IDI1: variants seen among roughly 807,000 people sequenced by gnomAD.
IDI1 encodes isopentenyl-diphosphate delta isomerase 1, also known as isopentenyl-diphosphate Delta-isomerase 1.
Under a neutral mutation model 32.9 loss-of-function variants are expected in IDI1, and 23 were observed. The observed-to-expected ratio is 0.70, with a 90% confidence interval of 0.50 to 0.99. IDI1 has a LOEUF of 0.99. Among genes scored for constraint, IDI1 ranks in the 50% least tolerant of loss-of-function variants. IDI1 has a pLI of 0.00. For synonymous variants in IDI1, 133 were observed against 128.2 expected, an observed-to-expected ratio of 1.04 and a Z score of -0.25; for missense variants, 326 against 351.9, an observed-to-expected ratio of 0.93 and a Z score of 0.59.
chr10:1,043,706 A>G (rs1222054937), intron 2 of IDI1: 1 of 643,460 alleles, frequency 1.6e-6, no homozygotes, highest in South Asian at 1.5e-5. Flanking sequence ...GCCTCTCTCC[A>G]CTCTCTAGAA....
At chr10:1,049,521 G>A (rs1160666370), upstream of IDI1, 1 of 164,320 alleles carries the variant, frequency 6.1e-6, no homozygotes, top group East Asian at 1.9e-4. Flanking sequence ...GGCTGCACGG[G>A]GAGTTCTCGT....
rs1266247391 is a variant in IDI1 at position 1,041,007 on chromosome 10, T to A, written c.*180A>T. Reference sequence around the variant, plus strand: ...ATATCCAGGGTGTGTGATACAAAATTATAAGTTAGTTTTTTCCACACAAGT... The same window carrying A: ...ATATCCAGGGTGTGTGATACAAAATAATAAGTTAGTTTTTTCCACACAAGT... On this transcript the variant is annotated 3_prime_UTR_variant, in exon 5 of 5. Coordinates refer to ENST00000381344, the MANE Select transcript of IDI1 (RefSeq NM_004508.4). 2.0e-6 allele frequency: 1 copy of A among 503,966 alleles called. No individual in the cohort carries two copies. Among genetic ancestry groups the A allele is most frequent in the African/African-American group, 2.0e-5 (1 of 50,940 alleles). The allele number at this position is 503,966 out of a possible 1,614,324, so 31.2% of individuals were successfully genotyped here.
intron 1 of IDI1, chr10:1,048,388 C>G: frequency 7.7e-7 from 1 of 1,304,754 alleles, no homozygotes; most frequent in Non-Finnish European, 1.0e-6. Context: ...GTTGCTGTCA[C>G]CCTCTTGCAC....
intron 3 of IDI1, 128 bp from the exon 4 acceptor site, chr10:1,042,890 C>A: frequency 2.8e-6 from 2 of 723,930 alleles, no homozygotes; most frequent in South Asian, 1.9e-5. Context: ...TTATAATGGG[C>A]TATCAGTAAT....
chr10:1,039,678 C>T lies in IDI1; in HGVS notation c.*1509G>A, dbSNP rs1245226341. ...GTAATATTACAACAGTAGTATCTAA[C>T]TCTTGCTAAGTACTTAACAAGGTGC... On this transcript the variant is annotated 3_prime_UTR_variant, in exon 5 of 5. Transcript: ENST00000381344. The T allele has an allele frequency of 2.0e-5, 3 of 152,208 alleles. No homozygotes were observed. Among genetic ancestry groups the T allele is most frequent in the Non-Finnish European group, 4.4e-5 (3 of 68,044 alleles). 9.4% of individuals were successfully genotyped at this position (152,208 alleles called of 1,614,324 possible).
At chr10:1,051,325 T>G (rs1267033773), upstream of IDI1, among the ~76,000 whole-genome samples, 7 of 152,254 alleles carry the variant, frequency 4.6e-5, no homozygotes, top group Non-Finnish European at 1.0e-4. Context: ...GTTTTAAGTT[T>G]GTTTTTTATT....
At chr10:1,044,243 AATG>A (rs2131577465) in intron 1 of IDI1, 72 bp from the exon 2 acceptor site, 2 of 1,152,214 alleles carry the variant, frequency 1.7e-6, no homozygotes, top group East Asian at 4.8e-5. Flanking sequence ...ACAGGTTAAT[AATG>A]ATGCTGCTTC....
At position 1,041,053 on chromosome 10, in the gene IDI1, A is replaced by T; in HGVS notation, c.*134T>A. 1 of 618,832 alleles carries T rather than the reference A, an allele frequency of 1.6e-6. No individual in the cohort carries two copies. Among genetic ancestry groups the T allele is most frequent in the Non-Finnish European group, 2.8e-6 (1 of 357,384 alleles). The allele number at this position is 618,832 out of a possible 1,614,324, so 38.3% of individuals were successfully genotyped here. ...CAAGTTTTAAAGTATCAGTGTATATAATACATTAATGATAGTACCAAATGA... is the reference window on the plus strand; with the variant it reads ...CAAGTTTTAAAGTATCAGTGTATATTATACATTAATGATAGTACCAAATGA... On this transcript the variant is annotated 3_prime_UTR_variant, in exon 5 of 5. Transcript: ENST00000381344.
chr10:1,041,084 C>A lies in IDI1; in HGVS notation c.*103G>T. 1 of 700,214 alleles carries A rather than the reference C, an allele frequency of 1.4e-6. No homozygotes were observed. Among genetic ancestry groups the A allele is most frequent in the African/African-American group, 1.8e-5 (1 of 55,664 alleles). 43.4% of individuals were successfully genotyped at this position (700,214 alleles called of 1,614,324 possible). On this transcript the variant is annotated 3_prime_UTR_variant, in exon 5 of 5. Coordinates refer to ENST00000381344, the MANE Select transcript of IDI1 (RefSeq NM_004508.4). ...TTAATGATAGTACCAAATGATAGAACTAAATTTAATGATAAATTAATGATA... is the reference window on the plus strand; with the variant it reads ...TTAATGATAGTACCAAATGATAGAAATAAATTTAATGATAAATTAATGATA...
At position 1,040,946 on chromosome 10, in the gene IDI1, A is replaced by G; in HGVS notation, c.*241T>C. 5.2e-6 allele frequency: 2 copies of G among 381,090 alleles called. No individual in the cohort carries two copies. The highest frequency in any genetic ancestry group is 4.7e-6 in the Non-Finnish European group (1 of 213,320). The allele number at this position is 381,090 out of a possible 1,614,324, so 23.6% of individuals were successfully genotyped here. On this transcript the variant is annotated 3_prime_UTR_variant, in exon 5 of 5. Coordinates refer to ENST00000381344, the MANE Select transcript of IDI1 (RefSeq NM_004508.4). Reference sequence around the variant, plus strand: ...TTTATTTGCTCGCTCTCATTTTACAATAATCTCTCACAAATGTCGCTTAGA... The same window carrying G: ...TTTATTTGCTCGCTCTCATTTTACAGTAATCTCTCACAAATGTCGCTTAGA...
At chr10:1,055,128 G>T in the IDI1 span, among the ~76,000 whole-genome samples, 1 of 152,234 alleles carries the variant, frequency 6.6e-6, no homozygotes, top group East Asian at 1.9e-4. Context: ...CACATCAACA[G>T]TGAAAAGAAT....
At chr10:1,047,846 G>A (rs1047589120) in intron 1 of IDI1, among the ~76,000 whole-genome samples, 16 of 152,240 alleles carry the variant, frequency 1.1e-4, no homozygotes, top group Non-Finnish European at 2.4e-4. Context: ...ATTGTTTACA[G>A]AATAAGTCTG....
upstream of IDI1, among the ~76,000 whole-genome samples, chr10:1,051,406 G>A (rs1833010550): frequency 1.3e-5 from 2 of 152,118 alleles, no homozygotes; most frequent in Admixed American, 6.5e-5. Context: ...GAAGTGGCAC[G>A]AACATATTTA....
At chr10:1,051,260 G>A (rs1833005814), upstream of IDI1, among the ~76,000 whole-genome samples, 1 of 152,076 alleles carries the variant, frequency 6.6e-6, no homozygotes, top group Non-Finnish European at 1.5e-5. Context: ...TTAAGTATTG[G>A]GAAGCTAAAG....
chr10:1,053,437 T>C (rs779614868), upstream of IDI1, among the ~76,000 whole-genome samples: 1 of 152,264 alleles, frequency 6.6e-6, no homozygotes, highest in Non-Finnish European at 1.5e-5. Context: ...GTTAGGGCCT[T>C]ACTCTGGATT....
chr10:1,045,321 T>C (rs1035360055), intron 1 of IDI1, among the ~76,000 whole-genome samples: 4 of 152,234 alleles, frequency 2.6e-5, no homozygotes, highest in Non-Finnish European at 5.9e-5. Flanking sequence ...AGTCTGACCT[T>C]GAAGTTTTTT....
rs1175028277 is a variant in IDI1, at chr10:1,048,878, G to A, written c.126C>T (p.Gly42=). 2 of 1,605,800 alleles carry A rather than the reference G, an allele frequency of 1.2e-6. No homozygotes were observed. Among genetic ancestry groups the A allele is most frequent in the East Asian group, 4.5e-5 (2 of 44,436 alleles). The change falls in exon 1 of 5, where the codon GGC becomes GGT. Residue 42 remains glycine, a synonymous_variant. Coordinates refer to ENST00000381344, the MANE Select transcript of IDI1 (RefSeq NM_004508.4). ...GRHPGPAVVC[G]RRLISVLEQI... Reference sequence around the variant, plus strand: ...GTCCACAGTACCTGATCAGCCTCCGGCCACAGACAACCGCCGGTCCCGGAT... The same window carrying A: ...GTCCACAGTACCTGATCAGCCTCCGACCACAGACAACCGCCGGTCCCGGAT...
In IDI1 at chr10:1,042,702, C is replaced by G. The variant is rs767653210; in HGVS notation, c.467G>C (p.Ser156Thr). Residue 156 changes from serine (S) to threonine (T), a missense_variant, in exon 4 of 5, where the codon AGT becomes ACT. Ser to Thr is a moderately conservative substitution (Grantham distance 58). Around this residue, in one of 2 missense-constraint regions of IDI1, gnomAD observed 205 missense variants for 273.5 expected, o/e 0.75. Coordinates refer to ENST00000381344, the MANE Select transcript of IDI1 (RefSeq NM_004508.4). ...PLSNPAELEE[S>T]DALGVRRAAQ... is the part of the protein sequence containing the mutation. ...TGCTCGCCTCACTCCAAGGGCGTCA[C>G]TTTCCTCAAGCTCGGCTGGATTGCT... 2 of 1,614,048 alleles carry G rather than the reference C, an allele frequency of 1.2e-6. No individual in the cohort carries two copies. The highest frequency in any genetic ancestry group is 3.3e-5 in the Admixed American group (2 of 60,028).
upstream of IDI1, among the ~76,000 whole-genome samples, chr10:1,051,114 T>A (rs888398197): frequency 6.6e-6 from 1 of 152,256 alleles, no homozygotes. Flanking sequence ...CTGTGCGTGA[T>A]GTTGAAATGT....
Sources: allele counts gnomAD v4.1 joint callset (sites outside exome capture counted in the v4.1 genomes callset), GRCh38; gene constraint gnomAD v4.1.1; regional missense constraint gnomAD v4.1.1; transcripts MANE v1.5; gene names NCBI Gene and HGNC (gene_info 2026-07-23, HGNC 2026-07-21).